JMJD1C: variants seen among roughly 807,000 people sequenced by gnomAD.
The protein encoded by JMJD1C is jumonji domain containing 1C.
A neutral mutation model predicts 245.3 loss-of-function variants in JMJD1C; 31 were observed. That is an observed-to-expected ratio of 0.13 (90% CI 0.09 to 0.17). The LOEUF is 0.17. JMJD1C is among the 10% of genes least tolerant of loss of function. The pLI, the probability that JMJD1C is intolerant of heterozygous loss-of-function variation, is 1.00. For synonymous variants in JMJD1C, 1,057 were observed against 1,017.4 expected (o/e 1.04, Z -0.74); for missense variants, 2,691 against 3,000.2 (o/e 0.90, Z 2.41).
chr10:63,264,490 G>A (rs1029020762), intron 3 of JMJD1C, among the ~76,000 whole-genome samples, 161 bp downstream of exon 3: 6 of 151,994 alleles, frequency 3.9e-5, no homozygotes, highest in African/African-American at 7.2e-5. Flanking sequence ...TTAATAAATC[G>A]TTTATCCTAT....
intron 24 of JMJD1C, among the ~76,000 whole-genome samples, chr10:63,169,686 T>C (rs1032674080): frequency 2.6e-5 from 4 of 152,166 alleles, no homozygotes; most frequent in African/African-American, 4.8e-5. Context: ...CTTGGTAGCA[T>C]AGTAAAGTAA....
intron 1 of JMJD1C, chr10:63,427,690 G>T: frequency 7.7e-7 from 1 of 1,302,860 alleles, no homozygotes; most frequent in Non-Finnish European, 1.1e-6. Flanking sequence ...AGAAGCCTGG[G>T]TCTCCTCTAG....
intron 3 of JMJD1C, among the ~76,000 whole-genome samples, chr10:63,256,465 T>C (rs963373802): frequency 4.6e-5 from 7 of 152,226 alleles, no homozygotes; most frequent in East Asian, 1.9e-4. Flanking sequence ...GGCAACTTTA[T>C]ATTAAAAATA....
chr10:63,351,856 C>T (rs983633293), intron 2 of JMJD1C, among the ~76,000 whole-genome samples: 9 of 152,164 alleles, frequency 5.9e-5, no homozygotes, highest in African/African-American at 1.9e-4. Context: ...TGAATTCATT[C>T]ACATCATTTT....
intron 1 of JMJD1C, among the ~76,000 whole-genome samples, chr10:63,403,352 A>G (rs1057008214): frequency 1.3e-5 from 2 of 152,250 alleles, no homozygotes; most frequent in African/African-American, 4.8e-5. Context: ...AATCTAATAA[A>G]GGTGGTACTT....
chr10:63,268,967 G>A, intron 2 of JMJD1C: 2 of 985,704 alleles, frequency 2.0e-6, no homozygotes, highest in Non-Finnish European at 2.4e-6. Context: ...CCCTGGCAGT[G>A]ATGAGGATTA....
At chr10:63,485,512 A>G (rs768155559) in intron 1 of JMJD1C, among the ~76,000 whole-genome samples, 1 of 152,198 alleles carries the variant, frequency 6.6e-6, no homozygotes, top group Non-Finnish European at 1.5e-5. Context: ...CATGTGTGAC[A>G]GTTTGATGTA....
In JMJD1C at chr10:63,214,285, T is replaced by C; in HGVS notation, c.1882A>G (p.Asn628Asp). The change falls in exon 8 of 26, where the codon AAT becomes GAT. Residue 628 changes from asparagine (N) to aspartate (D), a missense_variant. Coordinates refer to ENST00000399262, the MANE Select transcript of JMJD1C (RefSeq NM_032776.3). Reference protein sequence around the residue: ...PPPETIKSKLNTSVDTHKIKS... With the variant: ...PPPETIKSKLDTSVDTHKIKS... ...ATCTTGTGAGTATCTACTGAAGTAT[T>C]AAGTTTAGATTTTATAGTCTCTGGA... 1 of 1,614,084 alleles carries C rather than the reference T, an allele frequency of 6.2e-7. No individual in the cohort carries two copies. The highest frequency in any genetic ancestry group is 8.5e-7 in the Non-Finnish European group (1 of 1,179,952).
At chr10:63,256,848 A>G (rs964941166) in intron 3 of JMJD1C, among the ~76,000 whole-genome samples, 1 of 152,242 alleles carries the variant, frequency 6.6e-6, no homozygotes, top group Non-Finnish European at 1.5e-5. Context: ...ATGAAGGCAA[A>G]GTGAAATGGA....
chr10:63,451,105 T>C lies in JMJD1C; in HGVS notation c.168+14390A>G, dbSNP rs149438487. 9.4e-4 allele frequency among the ~76,000 whole-genome samples: 143 copies of C among 151,334 alleles called. 4 individuals carry two copies. In the East Asian group the frequency reaches 0.026, roughly 28 times the overall value. ...ATACGTAAGAAACCAAGGAGACAAATGACTGGTACATATCAAAGGAAATTA... is the reference window on the plus strand; with the variant it reads ...ATACGTAAGAAACCAAGGAGACAAACGACTGGTACATATCAAAGGAAATTA... On this transcript the variant is annotated intron_variant, in intron 1 of 25. Coordinates refer to ENST00000399262, the MANE Select transcript of JMJD1C (RefSeq NM_032776.3).
chr10:63,255,475 G>A (rs1853761797), intron 3 of JMJD1C, among the ~76,000 whole-genome samples: 1 of 152,156 alleles, frequency 6.6e-6, no homozygotes, highest in Non-Finnish European at 1.5e-5. Context: ...GGAGATTCTG[G>A]AGAGGGTTTA....
chr10:63,263,959 T>TACACACACAC (rs746833882), intron 3 of JMJD1C, among the ~76,000 whole-genome samples: 24 of 83,006 alleles, frequency 2.9e-4, no homozygotes, highest in South Asian at 9.8e-4. Context: ...AAAATACACA[T>TACACACACAC]ACACACACAC....
At position 63,215,155 on chromosome 10, in the gene JMJD1C, T is replaced by C; in HGVS notation, c.1016-4A>G. ...TTGTTTTTACCTTTAGGATTTTCTG[T>C]AGGATTAAAGAAAGAAGAGTCTTAT... On this transcript the variant is annotated splice_region_variant and splice_polypyrimidine_tract_variant and intron_variant, in intron 7 of 25. Coordinates refer to ENST00000399262, the MANE Select transcript of JMJD1C (RefSeq NM_032776.3). 1.3e-6 allele frequency: 2 copies of C among 1,531,424 alleles called. No individual in the cohort carries two copies. Among genetic ancestry groups the C allele is most frequent in the Non-Finnish European group, 8.8e-7 (1 of 1,135,252 alleles). The allele number at this position is 1,531,424 out of a possible 1,614,324, so 94.9% of individuals were successfully genotyped here. A position where few individuals can be genotyped will look rare whatever the true frequency, so the allele number is the denominator to read the frequency against.
At chr10:63,189,505 T>G (rs1844506428) in intron 17 of JMJD1C, 59 bp from the exon 18 acceptor site, 1 of 1,438,756 alleles carries the variant, frequency 7.0e-7, no homozygotes, top group South Asian at 1.3e-5. Flanking sequence ...AAATACATTT[T>G]CCTCCCACAG....
intron 10 of JMJD1C, chr10:63,204,982 TG>T: frequency 1.0e-6 from 1 of 985,174 alleles, no homozygotes; most frequent in Non-Finnish European, 1.2e-6. Context: ...TGTATGTGGA[TG>T]AACACACGGA....
rs181339749 is a variant in JMJD1C at position 63,429,098 on chromosome 10, G to A, written c.168+36397C>T. ...CGGGTTCAAGAGAGTCTCCTGCCTC[G>A]GCCTCCCGGGTAGCTGGGATTACAA... is the stretch of plus-strand genomic sequence containing the variant. On this transcript the variant is annotated intron_variant, in intron 1 of 25. Coordinates refer to ENST00000399262, the MANE Select transcript of JMJD1C (RefSeq NM_032776.3). Among the ~76,000 whole-genome samples the A allele has an allele frequency of 4.6e-5, 7 of 152,108 alleles. No individual in the cohort carries two copies. The East Asian group carries it at 7.7e-4, about 17-fold the overall frequency.
At chr10:63,397,322 T>C (rs987607707) in intron 1 of JMJD1C, among the ~76,000 whole-genome samples, 1 of 152,070 alleles carries the variant, frequency 6.6e-6, no homozygotes, top group Non-Finnish European at 1.5e-5. Flanking sequence ...CAAGCAATTC[T>C]CCTGCCTCAG....
Position 63,320,665 on chromosome 10 carries a change from T to C in JMJD1C, c.334-55901A>G, listed in dbSNP as rs1940740044. ...TCGACTATTGTGATAACATGAAATA[T>C]ATATTTGTTTTTTGTCTCCATTTCC... On this transcript the variant is annotated intron_variant, in intron 2 of 25. Transcript: ENST00000399262. Among the ~76,000 whole-genome samples, 2 of 152,216 alleles carry C rather than the reference T, an allele frequency of 1.3e-5. 1 individual carries two copies. Among genetic ancestry groups the C allele is most frequent in the South Asian group, 4.1e-4 (2 of 4,832 alleles).
intron 3 of JMJD1C, among the ~76,000 whole-genome samples, chr10:63,223,240 T>G (rs1848829085): frequency 6.7e-6 from 1 of 149,310 alleles, no homozygotes; most frequent in Admixed American, 6.6e-5. Context: ...TTTTTTTTTT[T>G]TTTTTTCTGA....
Sources: gnomAD v4.1 joint callset for allele counts (sites outside exome capture counted in the v4.1 genomes callset) on GRCh38, gnomAD v4.1.1 for gene constraint, MANE v1.5 for transcripts, NCBI Gene and HGNC (gene_info 2026-07-23, HGNC 2026-07-21) for gene names.